Variants in MMP20 observed in about 807,000 individuals in gnomAD.
MMP20 encodes matrix metallopeptidase 20, also known as matrix metalloproteinase-20.
Under a neutral mutation model 51.8 loss-of-function variants are expected in MMP20, and 50 were observed. The observed-to-expected ratio is 0.97, with a 90% CI of 0.77 to 1.22. The LOEUF (loss-of-function observed/expected upper bound fraction) is 1.22. Ranked by LOEUF, MMP20 falls within the 50% of genes most tolerant of loss-of-function variation. The probability of loss-of-function intolerance (pLI) is 0.00; values close to 1 mark genes in which losing one functional copy is unlikely to be tolerated. For missense variants in MMP20, 663 were observed against 601.4 expected (o/e 1.10, Z -1.07); for synonymous variants, 244 against 216.2 (o/e 1.13, Z -1.13).
intron 1 of MMP20, among the ~76,000 whole-genome samples, chr11:102,618,367 A>T (rs568383143): frequency 1.3e-5 from 2 of 151,592 alleles, no homozygotes; most frequent in Non-Finnish European, 2.9e-5. Context: ...TATATTAACC[A>T]TATATTACCA....
rs1859698570 is a variant in MMP20, at chr11:102,618,154, A to C, written c.127-1095T>G. On this transcript the variant is annotated intron_variant, in intron 1 of 9. Coordinates refer to ENST00000260228, the MANE Select transcript of MMP20 (RefSeq NM_004771.4). ...TTGTTTAGGGAAAAGCTACAAAAAA[A>C]ATGTCTGTTTTGAACATGTCTTCCC... is the stretch of plus-strand genomic sequence containing the variant. 2.0e-5 allele frequency among the ~76,000 whole-genome samples: 3 copies of C among 152,288 alleles called. No individual in the cohort carries two copies. The South Asian group carries it at 6.2e-4, about 32-fold the overall frequency.
chr11:102,591,766 C>T (rs1859320118), intron 8 of MMP20, among the ~76,000 whole-genome samples: 1 of 152,170 alleles, frequency 6.6e-6, no homozygotes, highest in Admixed American at 6.5e-5. Context: ...GGGCAAAGAG[C>T]ATCACTAAAA....
intron 6 of MMP20, among the ~76,000 whole-genome samples, chr11:102,603,731 T>A (rs1859477393): frequency 6.6e-6 from 1 of 152,212 alleles, no homozygotes; most frequent in African/African-American, 2.4e-5. Flanking sequence ...ATCCTGCTTA[T>A]AGCTCGTTCT....
At position 102,579,024 on chromosome 11, in the gene MMP20, A is replaced by T. The variant is rs1334928269; in HGVS notation, c.1351+15T>A. 3 of 1,569,210 alleles carry T rather than the reference A, an allele frequency of 1.9e-6. No individual in the cohort carries two copies. The highest frequency in any genetic ancestry group is 2.6e-6 in the Non-Finnish European group (3 of 1,139,230). On this transcript the variant is annotated intron_variant, in intron 9 of 9. Coordinates refer to ENST00000260228, the MANE Select transcript of MMP20 (RefSeq NM_004771.4). ...GATAGTTTTCATGAAGAAAGTTTTC[A>T]GTGGAAACACTTACCATTTAATTCT...
intron 8 of MMP20, among the ~76,000 whole-genome samples, chr11:102,580,780 C>T (rs1385361367): frequency 2.0e-5 from 3 of 152,180 alleles, no homozygotes; most frequent in Non-Finnish European, 4.4e-5. Flanking sequence ...ACACTCATTT[C>T]ACAAAGACAA....
chr11:102,591,084 G>T (rs1432250566), intron 8 of MMP20, among the ~76,000 whole-genome samples: 2 of 152,202 alleles, frequency 1.3e-5, no homozygotes, highest in Non-Finnish European at 2.9e-5. Context: ...CAAACCAATA[G>T]AAGGCTTCAT....
intron 8 of MMP20, among the ~76,000 whole-genome samples, chr11:102,588,333 A>C (rs554644444): frequency 1.3e-5 from 2 of 152,158 alleles, no homozygotes; most frequent in South Asian, 4.1e-4. Flanking sequence ...TATTTTATAT[A>C]ATTTAATGTC....
intron 1 of MMP20, among the ~76,000 whole-genome samples, chr11:102,622,950 T>A (rs61895674): frequency 0.092 from 13,942 of 152,256 alleles, 817 homozygotes; most frequent in Non-Finnish European, 0.13. Context: ...CATTAGAGGT[T>A]CAGCCAGATC....
rs555385408 is a variant in MMP20 at position 102,609,126 on chromosome 11, G to T, written c.650-28C>A. The T allele has an allele frequency of 1.9e-6, 3 of 1,608,564 alleles. No individual in the cohort carries two copies. In the East Asian group the frequency reaches 6.7e-5, roughly 36 times the overall value. On this transcript the variant is annotated intron_variant, in intron 4 of 9. Coordinates refer to ENST00000260228, the MANE Select transcript of MMP20 (RefSeq NM_004771.4). ...AGACAATATGAGAGAGAAAAAAACA[G>T]TATCAACACAGGTTTTTGTTTTCTC...
At chr11:102,604,020 G>GTT (rs55952766) in intron 6 of MMP20, among the ~76,000 whole-genome samples, 4 of 146,420 alleles carry the variant, frequency 2.7e-5, no homozygotes, top group African/African-American at 1.0e-4. Context: ...AAACAGAGGT[G>GTT]TTTTTTTTTT....
At chr11:102,602,454 C>T (rs1431805095) in intron 6 of MMP20, among the ~76,000 whole-genome samples, 1 of 152,110 alleles carries the variant, frequency 6.6e-6, no homozygotes, top group Admixed American at 6.5e-5. Flanking sequence ...GGTTGCCCCA[C>T]TTGCAAGCAG....
intron 8 of MMP20, among the ~76,000 whole-genome samples, chr11:102,584,913 T>C (rs1042140432): frequency 2.0e-5 from 3 of 152,156 alleles, no homozygotes; most frequent in African/African-American, 7.2e-5. Flanking sequence ...TATATCGTTG[T>C]CAAAAATCAG....
intron 6 of MMP20, among the ~76,000 whole-genome samples, chr11:102,597,079 G>T (rs1859390146): frequency 6.6e-6 from 1 of 152,184 alleles, no homozygotes; most frequent in Non-Finnish European, 1.5e-5. Context: ...TAATGATGAG[G>T]CCATGTGGGG....
In MMP20 at chr11:102,587,897, C is replaced by A. The variant is rs185828047; in HGVS notation, c.1247+5542G>T. Among the ~76,000 whole-genome samples the A allele has an allele frequency of 2.4e-3, 361 of 152,226 alleles. 5 individuals carry two copies. The highest frequency in any genetic ancestry group is 8.2e-3 in the African/African-American group (339 of 41,570). ...TGGGTCTTGTTTTTTACAATCCAAT[C>A]TGGCAGTCTTTGCCATTTGATTAGA... On this transcript the variant is annotated intron_variant, in intron 8 of 9. Transcript: ENST00000260228.
chr11:102,585,095 T>C (rs1306529334), intron 8 of MMP20, among the ~76,000 whole-genome samples: 5 of 152,162 alleles, frequency 3.3e-5, no homozygotes, highest in Non-Finnish European at 7.4e-5. Context: ...TTTTGGCTAT[T>C]CTAGGCCCGT....
At chr11:102,622,062 C>G (rs997672086) in intron 1 of MMP20, among the ~76,000 whole-genome samples, 7 of 152,156 alleles carry the variant, frequency 4.6e-5, no homozygotes, top group African/African-American at 1.4e-4. Context: ...AATAGGTAAG[C>G]ATTTTGCCAT....
chr11:102,609,116 G>GA lies in MMP20; in HGVS notation c.650-19dup, dbSNP rs1859560023. 17 of 1,612,338 alleles carry GA rather than the reference G, an allele frequency of 1.1e-5. No homozygotes were observed. Among genetic ancestry groups the GA allele is most frequent in the Admixed American group, 3.3e-5 (2 of 59,884 alleles). On this transcript the variant is annotated intron_variant, in intron 4 of 9. Coordinates refer to ENST00000260228, the MANE Select transcript of MMP20 (RefSeq NM_004771.4). Reference sequence around the variant, plus strand: ...ATTAAAACCTAGACAATATGAGAGAGAAAAAAACAGTATCAACACAGGTTT... The same window carrying GA: ...ATTAAAACCTAGACAATATGAGAGAGAAAAAAAACAGTATCAACACAGGTTT...
intron 9 of MMP20, among the ~76,000 whole-genome samples, 171 bp downstream of exon 9, chr11:102,578,868 C>T (rs750899347): frequency 6.6e-6 from 1 of 152,226 alleles, no homozygotes; most frequent in Non-Finnish European, 1.5e-5. Context: ...AGAACTTTTA[C>T]AGTTACTCTT....
chr11:102,599,553 A>C (rs182211860), intron 6 of MMP20, among the ~76,000 whole-genome samples: 1 of 152,384 alleles, frequency 6.6e-6, no homozygotes, highest in East Asian at 1.9e-4. Flanking sequence ...AAAGTGTTTT[A>C]TAAATTCAGG....
Sources: allele counts gnomAD v4.1 joint callset (sites outside exome capture counted in the v4.1 genomes callset), GRCh38; gene constraint gnomAD v4.1.1; transcripts MANE v1.5; gene names NCBI Gene and HGNC (gene_info 2026-07-23, HGNC 2026-07-21).